The following TENM1 variants were observed in gnomAD, a reference collection of about 807,000 sequenced individuals.
The protein encoded by TENM1 is teneurin-1.
Under a neutral mutation model 174.8 loss-of-function variants are expected in TENM1, and 35 were observed. The observed-to-expected ratio is 0.20, with a 90% CI of 0.15 to 0.27. The LOEUF (loss-of-function observed/expected upper bound fraction) is 0.27, where lower values mean the gene tolerates loss of function less well. Among genes scored for constraint, TENM1 ranks in the 10% least tolerant of loss-of-function variants. TENM1 has a pLI of 1.00. For missense variants in TENM1, 1,633 were observed against 2,130.1 expected (o/e 0.77, Z 4.59); for synonymous variants, 781 against 798.7 (o/e 0.98, Z 0.37).
rs147404499 is a variant in TENM1, at chrX:124,497,214, G to C, written c.3497C>G (p.Pro1166Arg). The C allele has an allele frequency of 5.5e-4, 661 of 1,206,373 alleles. No homozygotes were observed. The highest frequency in any genetic ancestry group is 6.9e-4 in the Non-Finnish European group (618 of 892,963). ...ATTACCCATTATGGTTGATATGACTGGGGGCTGCTGGGAAATGAACATATT... is the reference window on the plus strand; with the variant it reads ...ATTACCCATTATGGTTGATATGACTCGGGGCTGCTGGGAAATGAACATATT... The change falls in exon 20 of 32, where the codon CCA becomes CGA. Residue 1166 changes from proline to arginine, a missense_variant. Coordinates refer to ENST00000422452, the Ensembl canonical transcript of TENM1.
intron 15 of TENM1, among the ~76,000 whole-genome samples, chrX:124,541,800 AGGTGG>A (rs2048326504): frequency 1.8e-5 from 2 of 112,241 alleles, no homozygotes; most frequent in Admixed American, 1.9e-4. Context: ...TCTCATCAAG[AGGTGG>A]GATCTATGTC....
the TENM1 span, among the ~76,000 whole-genome samples, chrX:125,052,307 T>C: frequency 4.5e-5 from 5 of 111,722 alleles, 1 homozygote; most frequent in Admixed American, 3.8e-4. Context: ...AAATCTCAAA[T>C]GGACAGGGCC....
At chrX:124,525,378 T>C (rs1489099641) in intron 16 of TENM1, among the ~76,000 whole-genome samples, 1 of 112,151 alleles carries the variant, frequency 8.9e-6, no homozygotes, top group Non-Finnish European at 1.9e-5. Context: ...TTAAGGCAAG[T>C]GTAGTGGGGA....
intron 22 of TENM1, among the ~76,000 whole-genome samples, chrX:124,471,206 G>A (rs12384644): frequency 2.4e-5 from 1 of 41,038 alleles, no homozygotes; most frequent in African/African-American, 8.7e-5. Flanking sequence ...ATAATATATA[G>A]TACTATATAT....
intron 14 of TENM1, among the ~76,000 whole-genome samples, chrX:124,554,095 C>T (rs759658325): frequency 2.7e-5 from 3 of 110,947 alleles, no homozygotes; most frequent in Non-Finnish European, 5.7e-5. Flanking sequence ...GGTGACAGAG[C>T]GAGACTCCAT....
At chrX:124,468,842 TTTCTC>T (rs2061268817) in intron 22 of TENM1, among the ~76,000 whole-genome samples, 1 of 112,275 alleles carries the variant, frequency 8.9e-6, no homozygotes, top group Non-Finnish European at 1.9e-5. Context: ...CTTTTGCAAT[TTTCTC>T]TTTTATCCAT....
intron 27 of TENM1, among the ~76,000 whole-genome samples, chrX:124,396,333 G>T (rs1407789737): frequency 2.0e-3 from 155 of 77,958 alleles, no homozygotes; most frequent in Middle Eastern, 0.012. Flanking sequence ...CCGGAGTTTT[G>T]CTCTTGTCAC....
intron 1 of TENM1, among the ~76,000 whole-genome samples, chrX:124,948,934 T>C (rs778049822): frequency 8.9e-6 from 1 of 112,114 alleles, no homozygotes. Flanking sequence ...GTAGTTACCA[T>C]GATAGGACTA....
At chrX:124,718,317 T>C (rs1039986196) in intron 4 of TENM1, among the ~76,000 whole-genome samples, 10 of 112,221 alleles carry the variant, frequency 8.9e-5, no homozygotes, top group African/African-American at 2.9e-4. Context: ...GATCATTCGT[T>C]AGTTGCTTCA....
intron 11 of TENM1, among the ~76,000 whole-genome samples, chrX:124,569,678 T>C (rs1025753911): frequency 1.8e-5 from 2 of 111,233 alleles, no homozygotes; most frequent in African/African-American, 6.5e-5. Context: ...GAATAAGACA[T>C]CATCATGAAA....
chrX:124,957,157 T>C (rs1323937182), intron 1 of TENM1, among the ~76,000 whole-genome samples: 1 of 111,174 alleles, frequency 9.0e-6, no homozygotes, highest in Non-Finnish European at 1.9e-5. Flanking sequence ...AAATAAATGC[T>C]GATGCATAAG....
At chrX:124,545,131 ATATATTTGTAAG>A (rs2048402360) in intron 15 of TENM1, among the ~76,000 whole-genome samples, 1 of 111,777 alleles carries the variant, frequency 8.9e-6, no homozygotes, top group South Asian at 3.8e-4. Flanking sequence ...GATAGAATGG[ATATATTTGTAAG>A]AGCTGAGACC....
rs770303927 is a variant in TENM1 at position 124,422,182 on chromosome X, T to C, written c.4471+90A>G. The C allele has an allele frequency of 6.5e-6, 7 of 1,082,447 alleles. No individual in the cohort carries two copies. In the East Asian group the frequency reaches 1.2e-4, roughly 19 times the overall value. The allele number at this position is 1,082,447 out of a possible 1,213,427, so 89.2% of individuals were successfully genotyped here. ...ATACCAATGTTTGCAAGTAACACTT[T>C]GCTTTTCCTTTTCCTTTTGACTTTA... is the stretch of plus-strand genomic sequence containing the variant. On this transcript the variant is annotated intron_variant, in intron 24 of 31. Transcript: ENST00000422452.
chrX:124,500,498 A>G (rs962066776), intron 19 of TENM1, among the ~76,000 whole-genome samples: 1 of 111,759 alleles, frequency 8.9e-6, no homozygotes, highest in Admixed American at 9.5e-5. Context: ...CTTCTGCCAC[A>G]CATGCTCATT....
chrX:124,920,733 C>T (rs2058007164), intron 1 of TENM1, among the ~76,000 whole-genome samples: 1 of 110,096 alleles, frequency 9.1e-6, no homozygotes, highest in Non-Finnish European at 1.9e-5. Flanking sequence ...TATATTTATA[C>T]TTACTTTCTA....
chrX:124,715,536 T>C (rs1442368871), intron 4 of TENM1, among the ~76,000 whole-genome samples: 1 of 111,999 alleles, frequency 8.9e-6, no homozygotes, highest in Non-Finnish European at 1.9e-5. Context: ...TGGTTATTTT[T>C]TTCTTTATAC....
chrX:124,646,720 T>C, exon 9 of TENM1: 1 of 1,195,962 alleles, frequency 8.4e-7, no homozygotes, highest in Non-Finnish European at 1.1e-6. Context: ...TCTAGCACAG[T>C]CAGGTCCAAG....
At chrX:124,710,438 A>G (rs1212792152) in intron 4 of TENM1, among the ~76,000 whole-genome samples, 1 of 111,954 alleles carries the variant, frequency 8.9e-6, no homozygotes, top group Non-Finnish European at 1.9e-5. Flanking sequence ...GTGTTCCAAT[A>G]TGTTGGATAT....
intron 1 of TENM1, among the ~76,000 whole-genome samples, chrX:124,912,860 A>C (rs982333960): frequency 1.8e-5 from 2 of 111,341 alleles, no homozygotes; most frequent in Admixed American, 1.9e-4. Flanking sequence ...AACTACATAA[A>C]ATTCAAATGG....
Sources: allele counts gnomAD v4.1 joint callset (sites outside exome capture counted in the v4.1 genomes callset), GRCh38; gene constraint gnomAD v4.1.1; transcripts MANE v1.5; gene names NCBI Gene and HGNC (gene_info 2026-07-23, HGNC 2026-07-21).